GALNTL5: variants seen among roughly 807,000 people sequenced by gnomAD.
GALNTL5 encodes polypeptide N-acetylgalactosaminyltransferase like 5.
GALNTL5 carries 44 observed loss-of-function variants against 51.0 expected under a neutral mutation model. The observed-to-expected ratio is 0.86, with a 90% CI of 0.68 to 1.11. The LOEUF (loss-of-function observed/expected upper bound fraction) is 1.11. GALNTL5 is among the 50% of genes least tolerant of loss of function. The pLI is 0.00. For synonymous variants in GALNTL5, 192 were observed against 182.8 expected (o/e 1.05, Z -0.41); for missense variants, 528 against 531.8 (o/e 0.99, Z 0.07).
chr7:151,981,561 C>CCTTCCTTT (rs1207279018), intron 3 of GALNTL5, among the ~76,000 whole-genome samples: 42 of 24,360 alleles, frequency 1.7e-3, no homozygotes, highest in African/African-American at 6.1e-3. Flanking sequence ...TTCCTTCCTT[C>CCTTCCTTT]CTTCCTTCCT....
intron 5 of GALNTL5, chr7:151,995,348 A>ATTTTTTTTTTTTTTTTTTTTTTT (rs71198750): frequency 2.8e-5 from 2 of 71,098 alleles, no homozygotes; most frequent in African/African-American, 4.8e-5. Flanking sequence ...GTTGGTATGA[A>ATTTTTTTTTTTTTTTTTTTTTTT]TTTTTTTTTT....
At chr7:151,991,061 C>A (rs533700193) in intron 5 of GALNTL5, among the ~76,000 whole-genome samples, 4 of 151,904 alleles carry the variant, frequency 2.6e-5, no homozygotes, top group Admixed American at 6.6e-5. Context: ...CCTTACCCTG[C>A]GATCATGATG....
At chr7:151,986,905 T>C (rs543145270) in intron 4 of GALNTL5, among the ~76,000 whole-genome samples, 82 of 146,836 alleles carry the variant, frequency 5.6e-4, no homozygotes, top group African/African-American at 2.1e-3. Flanking sequence ...TTTGTATTTT[T>C]AGTAGAGAGG....
At chr7:151,987,629 C>A (rs1045623607) in intron 5 of GALNTL5, among the ~76,000 whole-genome samples, 3 of 19,916 alleles carry the variant, frequency 1.5e-4, no homozygotes, top group East Asian at 7.2e-4. Flanking sequence ...GTGGGGTGGG[C>A]GGGAGGGAGC....
rs184831793 is a variant in GALNTL5 at position 151,965,988 on chromosome 7, A to C, written c.-39-1220A>C. On this transcript the variant is annotated intron_variant, in intron 1 of 8. Transcript: ENST00000392800. ...ACTATTATATATATATATAATCACTATTATGTAAATTTGGGTACATCATTC... is the reference window on the plus strand; with the variant it reads ...ACTATTATATATATATATAATCACTCTTATGTAAATTTGGGTACATCATTC... Among the ~76,000 whole-genome samples, 291 of 152,178 alleles carry C rather than the reference A, an allele frequency of 1.9e-3. 1 individual carries two copies. Among genetic ancestry groups the C allele is most frequent in the Admixed American group, 3.5e-3 (54 of 15,290 alleles).
intron 5 of GALNTL5, among the ~76,000 whole-genome samples, chr7:151,996,307 A>G (rs927155393): frequency 3.3e-5 from 5 of 151,988 alleles, no homozygotes; most frequent in African/African-American, 1.2e-4. Flanking sequence ...TGCTGCACCC[A>G]TTAACTCATC....
chr7:151,970,115 A>G lies in GALNTL5; in HGVS notation c.248-830A>G, dbSNP rs1465240360. 2.9e-5 allele frequency among the ~76,000 whole-genome samples: 4 copies of G among 136,714 alleles called. No individual in the cohort carries two copies. In the Admixed American group the frequency reaches 3.0e-4, roughly 10 times the overall value. 89.7% of individuals were successfully genotyped at this position (136,714 alleles called of 152,430 possible). ...GTGAGCCACCGCACCCGGCCCCAAA[A>G]CTGAATTCTTTGGTGGGTGGGGAGG... On this transcript the variant is annotated intron_variant, in intron 2 of 8. Coordinates refer to ENST00000392800, the MANE Select transcript of GALNTL5 (RefSeq NM_145292.4).
At chr7:151,957,535 C>T (rs557444228) in intron 1 of GALNTL5, among the ~76,000 whole-genome samples, 8 of 141,796 alleles carry the variant, frequency 5.6e-5, no homozygotes, top group South Asian at 2.2e-4. Context: ...GGCAGCAGAG[C>T]GAGACCCTGT....
intron 5 of GALNTL5, among the ~76,000 whole-genome samples, chr7:151,999,098 T>C (rs919327598): frequency 6.6e-6 from 1 of 152,232 alleles, no homozygotes; most frequent in Admixed American, 6.5e-5. Flanking sequence ...TGTCTCTTTC[T>C]AGATATTTCA....
intron 5 of GALNTL5, among the ~76,000 whole-genome samples, chr7:151,988,031 C>T (rs536864065): frequency 6.6e-6 from 1 of 152,336 alleles, no homozygotes; most frequent in Admixed American, 6.5e-5. Flanking sequence ...GTGGGAAGCA[C>T]TCAAATCCGT....
chr7:151,981,589 CCCTCCTTCCTTCCTTCCCTCCT>C (rs1171087568), intron 3 of GALNTL5, among the ~76,000 whole-genome samples: 1,314 of 40,862 alleles, frequency 0.032, 7 homozygotes, highest in South Asian at 0.07. Flanking sequence ...TTCCTTCCTT[CCCTCCTTCCTTCCTTCCCTCCT>C]TCCTTCCTTC....
At chr7:151,980,737 A>ATT (rs61288964) in intron 3 of GALNTL5, among the ~76,000 whole-genome samples, 8,024 of 98,538 alleles carry the variant, frequency 0.081, 1,689 homozygotes, top group Non-Finnish European at 0.1. Flanking sequence ...GCTAACAATG[A>ATT]TTTTTTTTTT....
intron 8 of GALNTL5, among the ~76,000 whole-genome samples, chr7:152,016,432 C>A: frequency 6.6e-6 from 1 of 151,760 alleles, no homozygotes; most frequent in Non-Finnish European, 1.5e-5. Context: ...CTTATGGGCC[C>A]GAGTGTCAGT....
At chr7:151,963,017 G>A (rs1534664) in intron 1 of GALNTL5, among the ~76,000 whole-genome samples, 76,367 of 152,048 alleles carry the variant, frequency 0.5, 19,840 homozygotes, top group Middle Eastern at 0.58. Context: ...TTACATAGCT[G>A]AAAATATTTT....
At chr7:152,010,865 A>G (rs2081727743) in intron 7 of GALNTL5, among the ~76,000 whole-genome samples, 1 of 152,196 alleles carries the variant, frequency 6.6e-6, no homozygotes, top group Non-Finnish European at 1.5e-5. Flanking sequence ...TTGGGGGATT[A>G]TGTGTCTTAG....
At chr7:151,961,863 A>T (rs1586800852) in intron 1 of GALNTL5, among the ~76,000 whole-genome samples, 1 of 152,334 alleles carries the variant, frequency 6.6e-6, no homozygotes, top group Admixed American at 6.5e-5. Flanking sequence ...AGTGTAATGC[A>T]TACATATAAA....
At position 151,967,290 on chromosome 7, in the gene GALNTL5, C is replaced by T; in HGVS notation, c.44C>T (p.Thr15Ile). Residue 15 changes from threonine to isoleucine, a missense_variant, in exon 2 of 9, where the codon ACA (threonine) becomes ATA (isoleucine). Thr to Ile is a moderately conservative substitution (Grantham distance 89, BLOSUM62 -1). Coordinates refer to ENST00000392800, the MANE Select transcript of GALNTL5 (RefSeq NM_145292.4). The stretch of plus-strand genomic sequence containing the variant: ...CAAGGTTTATTCTATGGGTCCTTGA[C>T]ATTTGGGATCTGGACAGCTCTGTTA... The part of the protein sequence containing the change: ...IIQGLFYGSL[T>I]FGIWTALLFI... 1.2e-6 allele frequency: 2 copies of T among 1,613,726 alleles called. No homozygotes were observed. The highest frequency in any genetic ancestry group is 2.2e-5 in the South Asian group (2 of 91,076).
chr7:151,983,010 C>A lies in GALNTL5; in HGVS notation c.393C>A (p.Ala131=). Residue 131 remains alanine, a synonymous_variant, in exon 4 of 9, where the codon GCC becomes GCA. Transcript: ENST00000392800. ...GGTGTCTTCAAAAACATTACCCAGC[C>A]CGCCTCCCGACTGCCAGCATTGTCA... ...SKMCLQKHYP[A]RLPTASIVIC... is the part of the protein sequence containing the mutation. The A allele has an allele frequency of 6.2e-7, 1 of 1,614,138 alleles. No homozygotes were observed. The highest frequency in any genetic ancestry group is 8.5e-7 in the Non-Finnish European group (1 of 1,180,024).
chr7:151,972,240 G>T (rs1261424154), intron 3 of GALNTL5, among the ~76,000 whole-genome samples: 8 of 152,186 alleles, frequency 5.3e-5, no homozygotes, highest in Admixed American at 3.3e-4. Context: ...TGGAGATGAG[G>T]AACTTGTTGA....
Sources: allele counts gnomAD v4.1 joint callset (sites outside exome capture counted in the v4.1 genomes callset), GRCh38; gene constraint gnomAD v4.1.1; transcripts MANE v1.5; gene names NCBI Gene and HGNC (gene_info 2026-07-23, HGNC 2026-07-21).